Variants in DENND4A observed in about 807,000 individuals in gnomAD.
DENND4A encodes the protein C-myc promoter-binding protein.
Under a neutral mutation model 199.3 loss-of-function variants are expected in DENND4A, and 70 were observed. The observed-to-expected ratio is 0.35, with a 90% CI of 0.29 to 0.43. The LOEUF is 0.43. Among genes scored for constraint, DENND4A ranks in the 20% least tolerant of loss-of-function variants. The probability of loss-of-function intolerance (pLI) is 1.00; values close to 1 mark genes in which losing one functional copy is unlikely to be tolerated. For missense variants in DENND4A, 1,723 were observed against 2,255.8 expected, an observed-to-expected ratio of 0.76 and a Z score of 4.78; for synonymous variants, 686 against 766.9, an observed-to-expected ratio of 0.89 and a Z score of 1.74.
At chr15:65,676,141 A>ATAT (rs1555413335) in intron 24 of DENND4A, among the ~76,000 whole-genome samples, 1 of 110,452 alleles carries the variant, frequency 9.1e-6, no homozygotes, top group African/African-American at 3.0e-5. Context: ...AATAAGGAAA[A>ATAT]ATATATATAT....
intron 4 of DENND4A, among the ~76,000 whole-genome samples, chr15:65,746,427 C>T (rs983837806): frequency 4.6e-5 from 5 of 108,582 alleles, no homozygotes; most frequent in Admixed American, 1.4e-4. Context: ...CGTTCTGTCA[C>T]GCAGACTGTA....
intron 11 of DENND4A, among the ~76,000 whole-genome samples, chr15:65,723,713 A>G (rs2075717258): frequency 1.3e-5 from 2 of 152,190 alleles, no homozygotes; most frequent in African/African-American, 4.8e-5. Context: ...AGGCACAGTA[A>G]GGGATCGATA....
chr15:65,672,844 C>G (rs1174554911), intron 24 of DENND4A, among the ~76,000 whole-genome samples: 1 of 150,378 alleles, frequency 6.6e-6, no homozygotes, highest in Non-Finnish European at 1.5e-5. Flanking sequence ...TCTGTCATTA[C>G]TACATTTTAT....
chr15:65,744,016 G>A (rs999411610), intron 4 of DENND4A, among the ~76,000 whole-genome samples: 16 of 152,182 alleles, frequency 1.1e-4, no homozygotes, highest in Admixed American at 1.0e-3. Flanking sequence ...ACTATGTTGA[G>A]AAGTGGGGGT....
intron 1 of DENND4A, among the ~76,000 whole-genome samples, chr15:65,779,941 T>C (rs2077392363): frequency 1.3e-5 from 2 of 151,320 alleles, no homozygotes; most frequent in African/African-American, 4.9e-5. Context: ...GGTCTAGCTA[T>C]GTTGCCCAGG....
At chr15:65,676,310 GT>G (rs2076382438) in intron 24 of DENND4A, 134 bp downstream of exon 24, 2 of 767,178 alleles carry the variant, frequency 2.6e-6, no homozygotes, top group Non-Finnish European at 3.8e-6. Context: ...TGGTTTTATT[GT>G]TTTGACTTTG....
At chr15:65,763,068 T>A (rs901814311) in intron 1 of DENND4A, among the ~76,000 whole-genome samples, 1 of 152,144 alleles carries the variant, frequency 6.6e-6, no homozygotes, top group South Asian at 2.1e-4. Flanking sequence ...GATGGAAAGA[T>A]GATGCCACCG....
chr15:65,760,825 G>T (rs1269519026), intron 2 of DENND4A, among the ~76,000 whole-genome samples: 1 of 151,978 alleles, frequency 6.6e-6, no homozygotes, highest in Non-Finnish European at 1.5e-5. Context: ...GTAGGCAGAG[G>T]TTGCAATGGG....
chr15:65,741,807 A>G, intron 4 of DENND4A, 23 bp from the exon 5 acceptor site: 1 of 1,583,138 alleles, frequency 6.3e-7, no homozygotes, highest in Non-Finnish European at 8.7e-7. Context: ...AAATAGAAAT[A>G]TCATTTAATT....
At chr15:65,736,968 T>C (rs2076136694) in intron 7 of DENND4A, among the ~76,000 whole-genome samples, 1 of 152,210 alleles carries the variant, frequency 6.6e-6, no homozygotes, top group Non-Finnish European at 1.5e-5. Flanking sequence ...TTAAAATAAA[T>C]TGATCTGGCG....
At chr15:65,670,305 TAC>T in intron 25 of DENND4A, 117 bp from the exon 26 acceptor site, 1 of 822,238 alleles carries the variant, frequency 1.2e-6, no homozygotes, top group East Asian at 2.8e-5. Flanking sequence ...TCAGATGCTA[TAC>T]ACAAACACTG....
intron 3 of DENND4A, among the ~76,000 whole-genome samples, chr15:65,755,680 T>A (rs12913171): frequency 6.6e-6 from 1 of 151,860 alleles, no homozygotes; most frequent in African/African-American, 2.4e-5. Flanking sequence ...GCAGGAGGAT[T>A]ACTTGAGGCC....
intron 1 of DENND4A, among the ~76,000 whole-genome samples, chr15:65,777,180 GA>G (rs2077305745): frequency 6.6e-6 from 1 of 151,654 alleles, no homozygotes. Context: ...AATAAAGAAA[GA>G]AAAAAAGAAA....
chr15:65,738,780 A>G lies in DENND4A; in HGVS notation c.727T>C (p.Cys243Arg). ...FCLPMGATIE[C>R]WPSNSKYPLP... is the part of the protein sequence containing the mutation. ...GGGTATTTGCTATTTGATGGCCAAC[A>G]TTCAATGGTTGCACCCATTGGTAAA... The change falls in exon 6 of 33, where the codon TGT becomes CGT. Residue 243 changes from cysteine (C) to arginine (R), a missense_variant. Coordinates refer to ENST00000443035, the MANE Select transcript of DENND4A (RefSeq NM_001320835.1). 1.2e-6 allele frequency: 2 copies of G among 1,612,762 alleles called. No homozygotes were observed. Among genetic ancestry groups the G allele is most frequent in the East Asian group, 4.5e-5 (2 of 44,756 alleles).
In DENND4A at chr15:65,728,133, G is replaced by C. The variant is rs571059342; in HGVS notation, c.1487+939C>G. 4.6e-5 allele frequency among the ~76,000 whole-genome samples: 7 copies of C among 151,402 alleles called. No individual in the cohort carries two copies. In the East Asian group the frequency reaches 1.4e-3, roughly 30 times the overall value. On this transcript the variant is annotated intron_variant, in intron 11 of 32. Transcript: ENST00000443035. ...AAGCGATTCTCCTGCCTCAGTCTCT[G>C]GAGTAGCTGGGATTACCTGCCACCA...
Position 65,691,249 on chromosome 15 carries a change from G to C in DENND4A, c.3345C>G (p.Ile1115Met), listed in dbSNP as rs559253427. The C allele has an allele frequency of 6.2e-7, 1 of 1,612,972 alleles. No homozygotes were observed. Among genetic ancestry groups the C allele is most frequent in the African/African-American group, 1.3e-5 (1 of 74,846 alleles). ...GAGTATTTGGTCTCGTGCTTTTTGAGATAACATTTGAAAGAATTTTTGCAT... is the reference window on the plus strand; with the variant it reads ...GAGTATTTGGTCTCGTGCTTTTTGACATAACATTTGAAAGAATTTTTGCAT... ...GADAKILSNV[I>M]SKSTRPNTLD... The change falls in exon 23 of 33, where the codon ATC becomes ATG. Residue 1115 changes from isoleucine (I) to methionine (M), a missense_variant. Around this residue, in one of 6 missense-constraint regions of DENND4A, gnomAD observed 650 missense variants for 738.1 expected, o/e 0.88. Coordinates refer to ENST00000443035, the MANE Select transcript of DENND4A (RefSeq NM_001320835.1).
intron 4 of DENND4A, among the ~76,000 whole-genome samples, chr15:65,749,935 T>C (rs940811906): frequency 2.0e-5 from 3 of 152,136 alleles, no homozygotes; most frequent in African/African-American, 7.2e-5. Flanking sequence ...GACACTCAAA[T>C]ATCTACAGAA....
intron 5 of DENND4A, among the ~76,000 whole-genome samples, chr15:65,741,051 A>G (rs1465576346): frequency 6.6e-6 from 1 of 152,086 alleles, no homozygotes; most frequent in Non-Finnish European, 1.5e-5. Context: ...ATATGTATAT[A>G]TTTTTAAAGA....
At chr15:65,701,269 A>T in intron 18 of DENND4A, 77 bp from the exon 19 acceptor site, 1 of 1,222,040 alleles carries the variant, frequency 8.2e-7, no homozygotes, top group Non-Finnish European at 1.1e-6. Flanking sequence ...GAATTAAGCT[A>T]AAGAATATCA....
Sources: allele counts gnomAD v4.1 joint callset (sites outside exome capture counted in the v4.1 genomes callset), GRCh38; gene constraint gnomAD v4.1.1; regional missense constraint gnomAD v4.1.1; transcripts MANE v1.5; gene names NCBI Gene and HGNC (gene_info 2026-07-23, HGNC 2026-07-21).